Variants in RBPJ observed in about 807,000 individuals in gnomAD.
The protein encoded by RBPJ is recombining binding protein suppressor of hairless.
RBPJ carries 9 observed loss-of-function variants against 67.8 expected under a neutral mutation model. That is an observed-to-expected ratio of 0.13 (90% CI 0.08 to 0.23). The LOEUF is 0.23. Ranked by LOEUF, RBPJ falls within the 10% of genes least tolerant of loss-of-function variation. RBPJ has a pLI of 1.00. For synonymous variants in RBPJ, 198 were observed against 203.3 expected (o/e 0.97, Z 0.22); for missense variants, 305 against 595.6 (o/e 0.51, Z 5.08).
chr4:26,191,344 C>A (rs1469534495), intron 1 of RBPJ, among the ~76,000 whole-genome samples: 1 of 148,322 alleles, frequency 6.7e-6, no homozygotes, highest in Non-Finnish European at 1.5e-5. Flanking sequence ...CCTCTACTAC[C>A]CAAATCAAGA....
intron 1 of RBPJ, among the ~76,000 whole-genome samples, chr4:26,349,655 G>A (rs1463607096): frequency 1.3e-5 from 2 of 152,124 alleles, no homozygotes; most frequent in East Asian, 3.9e-4. Context: ...GGACCTTTTT[G>A]CATAGAGAAA....
At chr4:26,385,717 C>T (rs976418444) in intron 1 of RBPJ, among the ~76,000 whole-genome samples, 1 of 151,842 alleles carries the variant, frequency 6.6e-6, no homozygotes, top group Non-Finnish European at 1.5e-5. Context: ...TTGCTTTTTA[C>T]ATTTTTAAAA....
chr4:26,301,248 C>T (rs1722064800), intron 1 of RBPJ, among the ~76,000 whole-genome samples: 1 of 152,174 alleles, frequency 6.6e-6, no homozygotes, highest in African/African-American at 2.4e-5. Flanking sequence ...TCCTCCTGCA[C>T]CACGTGGCCT....
chr4:26,229,806 C>G (rs1719212120), intron 1 of RBPJ, among the ~76,000 whole-genome samples: 1 of 152,126 alleles, frequency 6.6e-6, no homozygotes, highest in Non-Finnish European at 1.5e-5. Flanking sequence ...ATGGAAGGTA[C>G]TGAGCCAGGT....
chr4:26,255,671 A>G (rs374718580), intron 1 of RBPJ, among the ~76,000 whole-genome samples: 2,780 of 149,456 alleles, frequency 0.019, 95 homozygotes, highest in African/African-American at 0.064. Context: ...GCGTGGTGGC[A>G]GGTGCCTGTA....
the RBPJ span, among the ~76,000 whole-genome samples, chr4:26,127,064 T>A: frequency 6.6e-6 from 1 of 152,176 alleles, no homozygotes; most frequent in Non-Finnish European, 1.5e-5. Flanking sequence ...CAGCCAGTCA[T>A]TGGATATGGG....
At chr4:26,316,285 A>G (rs1319485438), upstream of RBPJ, among the ~76,000 whole-genome samples, 21 of 148,304 alleles carry the variant, frequency 1.4e-4, no homozygotes. Flanking sequence ...ACACATTCAT[A>G]TATACATATA....
chr4:26,193,949 C>T (rs1413139956), intron 1 of RBPJ, among the ~76,000 whole-genome samples: 1 of 152,194 alleles, frequency 6.6e-6, no homozygotes, highest in Admixed American at 6.5e-5. Flanking sequence ...CAGGTTCTCC[C>T]AAGCCTCTCT....
chr4:26,270,770 G>A (rs1007638670), intron 1 of RBPJ, among the ~76,000 whole-genome samples: 5 of 152,082 alleles, frequency 3.3e-5, no homozygotes, highest in African/African-American at 1.2e-4. Context: ...TTGAGTCTAT[G>A]ATGTAAACTG....
At chr4:26,380,476 A>G (rs1289658724) in intron 1 of RBPJ, among the ~76,000 whole-genome samples, 2 of 152,180 alleles carry the variant, frequency 1.3e-5, no homozygotes, top group Non-Finnish European at 1.5e-5. Context: ...TGAGCCTGTT[A>G]TGTATTTTTT....
At chr4:26,290,167 T>A (rs1721619309) in intron 1 of RBPJ, among the ~76,000 whole-genome samples, 1 of 149,264 alleles carries the variant, frequency 6.7e-6, no homozygotes, top group African/African-American at 2.5e-5. Context: ...CCACCTCCCA[T>A]CTCTACATGT....
upstream of RBPJ, chr4:26,319,960 G>A: frequency 5.9e-6 from 8 of 1,359,534 alleles, no homozygotes; most frequent in Non-Finnish European, 8.1e-6. Context: ...GTTTGCCCGG[G>A]GGCTTCCGGG....
chr4:26,214,213 G>T (rs946488139), intron 1 of RBPJ, among the ~76,000 whole-genome samples: 12 of 144,240 alleles, frequency 8.3e-5, no homozygotes, highest in African/African-American at 3.1e-4. Flanking sequence ...AGGAGAGAAA[G>T]AAAGCAAAGG....
rs143691755 is a variant in RBPJ, at chr4:26,215,671, C to T, written c.-167+52057C>T. 2.3e-3 allele frequency among the ~76,000 whole-genome samples: 357 copies of T among 152,192 alleles called. 2 individuals are homozygous for T. The highest frequency in any genetic ancestry group is 8.1e-3 in the African/African-American group (336 of 41,524). On this transcript the variant is annotated intron_variant, in intron 1 of 4. Coordinates refer to the RBPJ transcript ENST00000512351. ...TAATAGGAGAAACACTGGAGTGTCA[C>T]GAAAACAGGGTGGCAGATCACACAC...
At chr4:26,144,270 T>TC in the RBPJ span, among the ~76,000 whole-genome samples, 1 of 141,874 alleles carries the variant, frequency 7.0e-6, no homozygotes, top group Non-Finnish European at 1.5e-5. Flanking sequence ...GAAAATTCTT[T>TC]TTTTTTTTTT....
At chr4:26,307,313 A>T (rs1006292633) in intron 1 of RBPJ, among the ~76,000 whole-genome samples, 3 of 152,248 alleles carry the variant, frequency 2.0e-5, no homozygotes, top group Admixed American at 2.0e-4. Flanking sequence ...CATGTTAGAC[A>T]GGCATACAAC....
intron 7 of RBPJ, among the ~76,000 whole-genome samples, chr4:26,427,670 G>T (rs1321746774): frequency 1.3e-5 from 2 of 152,190 alleles, no homozygotes; most frequent in African/African-American, 4.8e-5. Context: ...AAAAGCAGTT[G>T]TAGTGGCGTC....
At chr4:26,177,549 C>G (rs1716837933) in intron 1 of RBPJ, among the ~76,000 whole-genome samples, 1 of 151,068 alleles carries the variant, frequency 6.6e-6, no homozygotes, top group Non-Finnish European at 1.5e-5. Context: ...TGCACTCCAG[C>G]CTGTGCAACA....
chr4:26,417,150 A>G (rs1734672895), intron 4 of RBPJ, among the ~76,000 whole-genome samples: 1 of 152,178 alleles, frequency 6.6e-6, no homozygotes, highest in Non-Finnish European at 1.5e-5. Flanking sequence ...GAATGAGTGG[A>G]TCAGATAGGT....
Sources: gnomAD v4.1 joint callset for allele counts (sites outside exome capture counted in the v4.1 genomes callset) on GRCh38, gnomAD v4.1.1 for gene constraint, MANE v1.5 for transcripts, NCBI Gene and HGNC (gene_info 2026-07-23, HGNC 2026-07-21) for gene names.